ITGB8: variants seen among roughly 807,000 people sequenced by gnomAD.
ITGB8 encodes integrin beta-8.
A neutral mutation model predicts 89.5 loss-of-function variants in ITGB8; 30 were observed. The ratio of observed to expected loss-of-function variants is 0.34; its 90% CI spans 0.25 to 0.45. The LOEUF (loss-of-function observed/expected upper bound fraction) is 0.45, where lower values mean the gene tolerates loss of function less well. ITGB8 is among the 20% of genes least tolerant of loss of function. ITGB8 has a pLI of 1.00. For synonymous variants in ITGB8, 335 were observed against 320.4 expected (o/e 1.05, Z -0.49); for missense variants, 836 against 933.3 (o/e 0.90, Z 1.36).
chr7:20,350,748 G>T (rs1318070501), intron 1 of ITGB8, among the ~76,000 whole-genome samples: 1 of 152,204 alleles, frequency 6.6e-6, no homozygotes, highest in Non-Finnish European at 1.5e-5. Flanking sequence ...CCCTGTTCCA[G>T]ATTTGGCTTT....
Position 20,415,340 on chromosome 7 carries a change from TAACG to T in ITGB8, c.*5346_*5349del, listed in dbSNP as rs1787893098. On this transcript the variant is annotated 3_prime_UTR_variant, in exon 14 of 14. Transcript: ENST00000222573. ...ACATAAAAACTTATTTTGTTTCACC[TAACG>T]AATACTGCGTTTGTAAAAATAAATT... is the stretch of plus-strand genomic sequence containing the variant. The T allele has an allele frequency of 6.6e-6, 1 of 151,854 alleles. No individual in the cohort carries two copies. The highest frequency in any genetic ancestry group is 6.6e-5 in the Admixed American group (1 of 15,248). 9.4% of individuals were successfully genotyped at this position (151,854 alleles called of 1,614,324 possible).
Position 20,381,833 on chromosome 7 carries a change from A to C in ITGB8, c.908A>C (p.Asn303Thr), listed in dbSNP as rs1472657201. ...AAATTGGCAGGCATAGTGGTGCCCAATGACGGAAACTGTCATCTGAAAAAC... is the reference window on the plus strand; with the variant it reads ...AAATTGGCAGGCATAGTGGTGCCCACTGACGGAAACTGTCATCTGAAAAAC... ...DSKLAGIVVP[N>T]DGNCHLKNNV... is the part of the protein sequence containing the mutation. Residue 303 changes from asparagine (N) to threonine (T), a missense_variant, in exon 6 of 14, where the codon AAT (asparagine) becomes ACT (threonine). Coordinates refer to ENST00000222573, the MANE Select transcript of ITGB8 (RefSeq NM_002214.3). 1 of 1,613,996 alleles carries C rather than the reference A, an allele frequency of 6.2e-7. No homozygotes were observed. Among genetic ancestry groups the C allele is most frequent in the South Asian group, 1.1e-5 (1 of 91,034 alleles).
chr7:20,357,482 G>T (rs968953093), intron 1 of ITGB8, among the ~76,000 whole-genome samples: 2 of 151,976 alleles, frequency 1.3e-5, no homozygotes, highest in Admixed American at 6.5e-5. Context: ...GAACATACAC[G>T]TATATATGTG....
At chr7:20,358,713 T>C (rs1179424534) in intron 1 of ITGB8, among the ~76,000 whole-genome samples, 2 of 152,188 alleles carry the variant, frequency 1.3e-5, no homozygotes, top group Non-Finnish European at 2.9e-5. Context: ...AGCAGTATTT[T>C]TTTTAAACTT....
chr7:20,386,150 G>A (rs1298092117), intron 6 of ITGB8, among the ~76,000 whole-genome samples: 4 of 152,072 alleles, frequency 2.6e-5, no homozygotes, highest in South Asian at 2.1e-4. Flanking sequence ...TTTTAAAAAC[G>A]ATTGTTCCAT....
rs1787838181 is a variant in ITGB8, at chr7:20,413,625, A to G, written c.*3628A>G. The G allele has an allele frequency of 6.6e-6, 1 of 152,108 alleles. No individual in the cohort carries two copies. The highest frequency in any genetic ancestry group is 1.5e-5 in the Non-Finnish European group (1 of 67,946). The allele number at this position is 152,108 out of a possible 1,614,324, so 9.4% of individuals were successfully genotyped here. A position where few individuals can be genotyped will look rare whatever the true frequency, so the allele number is the denominator to read the frequency against. ...GAAAAATAACTGAATTTAATGGTATAATGAAGTTCTTCATTTCCAGACATC... is the reference window on the plus strand; with the variant it reads ...GAAAAATAACTGAATTTAATGGTATGATGAAGTTCTTCATTTCCAGACATC... On this transcript the variant is annotated 3_prime_UTR_variant, in exon 14 of 14. Transcript: ENST00000222573.
intron 1 of ITGB8, among the ~76,000 whole-genome samples, chr7:20,338,995 C>T (rs1784664460): frequency 1.3e-5 from 2 of 152,062 alleles, no homozygotes. Flanking sequence ...AGTTCGAGAC[C>T]AGCCTGGTGA....
chr7:20,367,396 T>G (rs1236037943), intron 3 of ITGB8, among the ~76,000 whole-genome samples: 1 of 152,194 alleles, frequency 6.6e-6, no homozygotes, highest in Non-Finnish European at 1.5e-5. Flanking sequence ...CACACTATAT[T>G]CTAATTATGT....
In ITGB8 at chr7:20,339,361, G is replaced by A. The variant is rs182530433; in HGVS notation, c.127+7428G>A. On this transcript the variant is annotated intron_variant, in intron 1 of 13. Coordinates refer to ENST00000222573, the MANE Select transcript of ITGB8 (RefSeq NM_002214.3). ...TCATGGAGTAAAAGGACTATTTTTC[G>A]ACTTAAAGTGAATCTTAATGTGACC... Among the ~76,000 whole-genome samples, 703 of 152,028 alleles carry A rather than the reference G, an allele frequency of 4.6e-3. 5 individuals carry two copies. The highest frequency in any genetic ancestry group is 0.016 in the African/African-American group (672 of 41,482).
At chr7:20,350,266 G>C (rs372393470) in intron 1 of ITGB8, among the ~76,000 whole-genome samples, 3 of 152,148 alleles carry the variant, frequency 2.0e-5, no homozygotes, top group East Asian at 3.9e-4. Context: ...TCCTGCCTCA[G>C]CCTCCTGAGT....
intron 3 of ITGB8, among the ~76,000 whole-genome samples, chr7:20,376,203 G>A (rs3807945): frequency 0.55 from 83,532 of 151,974 alleles, 23,861 homozygotes; most frequent in South Asian, 0.72. Context: ...TCCTTTTCAT[G>A]TAGCCACGTC....
chr7:20,409,779 G>A lies in ITGB8; in HGVS notation c.2187+1G>A, dbSNP rs1787691420. On this transcript the variant is annotated splice_donor_variant, in intron 13 of 13. Transcript: ENST00000222573. LOFTEE classifies it high-confidence loss of function. ...TTACAGAGTGTCAGCCTCAAAAAAG[G>A]TCAGTGAATTCTAAAAAAGAACTGC... The A allele has an allele frequency of 1.2e-6, 2 of 1,612,640 alleles. No homozygotes were observed. Among genetic ancestry groups the A allele is most frequent in the Non-Finnish European group, 1.7e-6 (2 of 1,179,284 alleles).
At chr7:20,346,800 T>C (rs1784941117) in intron 1 of ITGB8, 2 of 985,240 alleles carry the variant, frequency 2.0e-6, no homozygotes, top group Non-Finnish European at 1.2e-6. Flanking sequence ...AGAGGAGGCA[T>C]GTACATTGAC....
chr7:20,356,777 A>G (rs1288661507), intron 1 of ITGB8, among the ~76,000 whole-genome samples: 1 of 152,204 alleles, frequency 6.6e-6, no homozygotes, highest in African/African-American at 2.4e-5. Context: ...TGACTTTACT[A>G]CAGAAAAAAA....
rs1787901536 is a variant in ITGB8 at position 20,415,629 on chromosome 7, G to A, written c.*5632G>A. The A allele has an allele frequency of 6.6e-6, 1 of 152,504 alleles. No individual in the cohort carries two copies. Among genetic ancestry groups the A allele is most frequent in the Non-Finnish European group, 1.5e-5 (1 of 67,996 alleles). The allele number at this position is 152,504 out of a possible 1,614,324, so 9.4% of individuals were successfully genotyped here. ...CTGACACTGTAGTTTGTGGTGAGAT[G>A]TTTATTTTTCTAACAGAGCTTATAA... is the stretch of plus-strand genomic sequence containing the variant. On this transcript the variant is annotated 3_prime_UTR_variant, in exon 14 of 14. Transcript: ENST00000222573.
At chr7:20,365,862 G>C (rs1233549753) in intron 2 of ITGB8, 1 of 151,568 alleles carries the variant, frequency 6.6e-6, no homozygotes. Context: ...AACCAGCAAG[G>C]CTGGAAGGAG....
intron 6 of ITGB8, among the ~76,000 whole-genome samples, chr7:20,382,972 C>T (rs950259113): frequency 3.9e-5 from 6 of 152,178 alleles, no homozygotes; most frequent in East Asian, 1.9e-4. Context: ...TTCATTGGTA[C>T]CTGATACATG....
At position 20,343,899 on chromosome 7, in the gene ITGB8, T is replaced by C. The variant is rs560376579; in HGVS notation, c.127+11966T>C. 2.6e-5 allele frequency among the ~76,000 whole-genome samples: 4 copies of C among 152,392 alleles called. No individual in the cohort carries two copies. The South Asian group carries it at 6.2e-4, about 24-fold the overall frequency. ...CTTTTTAATATGTGTGTGTACACTT[T>C]CCTTGCTTGGTGAGTACATCATTTA... On this transcript the variant is annotated intron_variant, in intron 1 of 13. Coordinates refer to ENST00000222573, the MANE Select transcript of ITGB8 (RefSeq NM_002214.3).
At chr7:20,344,935 C>G (rs1041285475) in intron 1 of ITGB8, among the ~76,000 whole-genome samples, 5 of 152,204 alleles carry the variant, frequency 3.3e-5, no homozygotes, top group African/African-American at 4.8e-5. Flanking sequence ...GATCTGCTCT[C>G]ATGGAGCTTT....
Sources: allele counts gnomAD v4.1 joint callset (sites outside exome capture counted in the v4.1 genomes callset), GRCh38; gene constraint gnomAD v4.1.1; transcripts MANE v1.5; gene names NCBI Gene and HGNC (gene_info 2026-07-23, HGNC 2026-07-21).